The following DYSF variants were observed in gnomAD, a reference collection of about 807,000 sequenced individuals.
The protein encoded by DYSF is dysferlin.
DYSF carries 212 observed loss-of-function variants against 274.9 expected under a neutral mutation model. The observed-to-expected ratio is 0.77, with a 90% confidence interval of 0.69 to 0.86. DYSF has a LOEUF of 0.86. DYSF is among the 40% of genes least tolerant of loss of function. DYSF has a pLI of 0.00. For synonymous variants in DYSF, 1,091 were observed against 1,078.7 expected (o/e 1.01, Z -0.22); for missense variants, 2,666 against 2,783.2 (o/e 0.96, Z 0.95).
intron 22 of DYSF, among the ~76,000 whole-genome samples, chr2:71,560,553 G>A (rs866647215): frequency 2.6e-5 from 4 of 152,116 alleles, no homozygotes; most frequent in Non-Finnish European, 4.4e-5. Context: ...GACAGGCCCC[G>A]GGGCTTAAGT....
chr2:71,505,237 C>T (rs2085367117), intron 4 of DYSF, among the ~76,000 whole-genome samples: 1 of 152,214 alleles, frequency 6.6e-6, no homozygotes, highest in Non-Finnish European at 1.5e-5. Flanking sequence ...CTGCCTGGGA[C>T]CTGGGCTGGC....
In DYSF at chr2:71,608,440, G is replaced by A. The variant is rs184234680; in HGVS notation, c.3958-2805G>A. Reference sequence around the variant, plus strand: ...GAAGAAGCATGTCCTGGGACCCCTGGGGACAGCACGGTGGACAGAGATGGC... The same window carrying A: ...GAAGAAGCATGTCCTGGGACCCCTGAGGACAGCACGGTGGACAGAGATGGC... On this transcript the variant is annotated intron_variant, in intron 36 of 55. Transcript: ENST00000410020. 2.6e-5 allele frequency among the ~76,000 whole-genome samples: 4 copies of A among 152,286 alleles called. No individual in the cohort carries two copies. The East Asian group carries it at 7.7e-4, about 29-fold the overall frequency.
At position 71,453,760 on chromosome 2, in the gene DYSF, C is replaced by G. The variant is rs956974768; in HGVS notation, c.-239C>G. On this transcript the variant is annotated 5_prime_UTR_variant, in exon 1 of 55. Coordinates refer to the DYSF transcript ENST00000258104. Reference sequence around the variant, plus strand: ...GCAGAAGCCCCTGTTCTCGGAACGCCGGCTGACAAGCGGGGTGAGCGCAGC... The same window carrying G: ...GCAGAAGCCCCTGTTCTCGGAACGCGGGCTGACAAGCGGGGTGAGCGCAGC... The G allele has an allele frequency of 8.1e-5, 47 of 577,424 alleles. No individual in the cohort carries two copies. The highest frequency in any genetic ancestry group is 1.4e-4 in the Non-Finnish European group (46 of 321,646). The allele number at this position is 577,424 out of a possible 1,614,324, so 35.8% of individuals were successfully genotyped here.
chr2:71,626,404 T>A (rs1052201511), intron 41 of DYSF, among the ~76,000 whole-genome samples: 11 of 149,990 alleles, frequency 7.3e-5, no homozygotes, highest in Non-Finnish European at 1.2e-4. Context: ...GTTAATGTAG[T>A]GAATTACATT....
intron 47 of DYSF, among the ~76,000 whole-genome samples, chr2:71,666,011 G>A (rs1466273706): frequency 6.6e-6 from 1 of 151,974 alleles, no homozygotes; most frequent in African/African-American, 2.4e-5. Context: ...TTATAAAAGG[G>A]AAATGATGGC....
At chr2:71,474,690 A>G (rs1012891536) in intron 1 of DYSF, among the ~76,000 whole-genome samples, 6 of 152,208 alleles carry the variant, frequency 3.9e-5, no homozygotes, top group African/African-American at 1.4e-4. Flanking sequence ...AGAGGGTCCC[A>G]GAGTTGGCCC....
chr2:71,678,893 G>C (rs867014952), intron 52 of DYSF, among the ~76,000 whole-genome samples, 164 bp from the exon 53 acceptor site: 1 of 152,294 alleles, frequency 6.6e-6, no homozygotes, highest in South Asian at 2.1e-4. Context: ...GGAGACAATG[G>C]GTAGGGAGGT....
intron 1 of DYSF, among the ~76,000 whole-genome samples, chr2:71,478,644 G>A (rs2082613617): frequency 6.6e-6 from 1 of 152,136 alleles, no homozygotes. Flanking sequence ...TCCATGATCA[G>A]TGATTCACAG....
intron 32 of DYSF, among the ~76,000 whole-genome samples, chr2:71,594,343 T>C (rs936327748): frequency 6.6e-6 from 1 of 152,216 alleles, no homozygotes; most frequent in Non-Finnish European, 1.5e-5. Flanking sequence ...CATTGGAGGC[T>C]TGTGAAATGC....
chr2:71,559,077 T>C (rs1573981132), intron 22 of DYSF, among the ~76,000 whole-genome samples: 4 of 152,148 alleles, frequency 2.6e-5, no homozygotes. Flanking sequence ...TCAGCCCTTT[T>C]CCCGGCTCAT....
intron 12 of DYSF, 30 bp downstream of exon 12, chr2:71,520,934 G>A (rs754293173): frequency 1.0e-5 from 16 of 1,603,316 alleles, no homozygotes; most frequent in South Asian, 2.2e-5. Context: ...TCTTCCTTAC[G>A]GTCCCCCACG....
At chr2:71,556,388 G>C (rs2091342703) in intron 22 of DYSF, among the ~76,000 whole-genome samples, 1 of 152,226 alleles carries the variant, frequency 6.6e-6, no homozygotes, top group African/African-American at 2.4e-5. Context: ...AGCTGGCTGG[G>C]GGGTGGGGTG....
At position 71,568,161 on chromosome 2, in the gene DYSF, T is replaced by A; in HGVS notation, c.2698-11T>A. The stretch of plus-strand genomic sequence containing the variant: ...CCCCCTGCTCACGCCTCATTCTTCC[T>A]GGCCCTCCAGTATGAGAACGAGACT... On this transcript the variant is annotated splice_polypyrimidine_tract_variant and intron_variant, in intron 25 of 55. Coordinates refer to ENST00000410020, the MANE Select transcript of DYSF (RefSeq NM_001130987.2). 6.2e-7 allele frequency: 1 copy of A among 1,614,232 alleles called. No individual in the cohort carries two copies. Among genetic ancestry groups the A allele is most frequent in the Non-Finnish European group, 8.5e-7 (1 of 1,180,034 alleles).
At chr2:71,653,238 G>A (rs2094698805) in intron 42 of DYSF, among the ~76,000 whole-genome samples, 1 of 152,182 alleles carries the variant, frequency 6.6e-6, no homozygotes, top group Non-Finnish European at 1.5e-5. Context: ...CAACCATTGT[G>A]GAAGTCAGTG....
At chr2:71,596,846 C>T (rs2093420366) in intron 32 of DYSF, among the ~76,000 whole-genome samples, 2 of 152,226 alleles carry the variant, frequency 1.3e-5, no homozygotes, top group Admixed American at 1.3e-4. Context: ...CAGCATTGCT[C>T]AGCCAGTGGG....
intron 17 of DYSF, among the ~76,000 whole-genome samples, chr2:71,539,756 C>T (rs1015106183): frequency 3.3e-5 from 5 of 152,142 alleles, no homozygotes; most frequent in Admixed American, 6.5e-5. Context: ...TCTGTACATG[C>T]ATGGAAGATG....
rs1325949582 is a variant in DYSF at position 71,669,836 on chromosome 2, C to T, written c.5784+90C>T. The T allele has an allele frequency of 3.9e-6, 6 of 1,548,830 alleles. No individual in the cohort carries two copies. The East Asian group carries it at 1.3e-4, about 35-fold the overall frequency. On this transcript the variant is annotated intron_variant, in intron 51 of 55. Transcript: ENST00000410020. ...CACCACGTCCCTGCCTGGCAACTGT[C>T]ACAATCTCACTGCTGCCCCACCATG... is the stretch of plus-strand genomic sequence containing the variant.
chr2:71,664,413 T>C lies in DYSF; in HGVS notation c.5149T>C (p.Cys1717Arg). ...NRLLSKFGAR[C>R]GLPQTYCVSG... ...GCTGCTGTCCAAGTTTGGGGCTCGC[T>C]GTGGACTCCCACAGACCTACTGTGT... The change falls in exon 46 of 56, where the codon TGT becomes CGT. Residue 1717 changes from cysteine (C) to arginine (R), a missense_variant. Cys to Arg is a radical substitution (Grantham distance 180). This residue lies in a region of DYSF where 1,460 missense variants were observed against 1,502.1 expected (regional missense o/e 0.97). Coordinates refer to ENST00000410020, the MANE Select transcript of DYSF (RefSeq NM_001130987.2). 6.2e-7 allele frequency: 1 copy of C among 1,614,220 alleles called. No homozygotes were observed. The highest frequency in any genetic ancestry group is 1.1e-5 in the South Asian group (1 of 91,088).
At chr2:71,593,406 C>T (rs2093327559) in intron 32 of DYSF, among the ~76,000 whole-genome samples, 1 of 152,208 alleles carries the variant, frequency 6.6e-6, no homozygotes, top group Admixed American at 6.5e-5. Context: ...GCTGGGATTA[C>T]AGGCGTGAGC....
Sources: allele counts gnomAD v4.1 joint callset (sites outside exome capture counted in the v4.1 genomes callset), GRCh38; gene constraint gnomAD v4.1.1; regional missense constraint gnomAD v4.1.1; transcripts MANE v1.5; gene names NCBI Gene and HGNC (gene_info 2026-07-23, HGNC 2026-07-21).